The following SERPINI1 variants were observed in gnomAD, a reference collection of about 807,000 sequenced individuals.
The protein encoded by SERPINI1 is neuroserpin.
A neutral mutation model predicts 41.1 loss-of-function variants in SERPINI1; 19 were observed. That is an observed-to-expected ratio of 0.46 (90% CI 0.32 to 0.68). The LOEUF is 0.68. Among genes scored for constraint, SERPINI1 ranks in the 30% least tolerant of loss-of-function variants. SERPINI1 has a pLI of 0.03. For missense variants in SERPINI1, 460 were observed against 479.2 expected (o/e 0.96, Z 0.37); for synonymous variants, 138 against 156.6 (o/e 0.88, Z 0.89).
At chr3:167,816,967 C>A (rs1423487426) in intron 6 of SERPINI1, among the ~76,000 whole-genome samples, 1 of 151,956 alleles carries the variant, frequency 6.6e-6, no homozygotes, top group Non-Finnish European at 1.5e-5. Context: ...GCAAAGGCAG[C>A]CTGATGGAGG....
intron 3 of SERPINI1, among the ~76,000 whole-genome samples, chr3:167,792,351 A>G (rs1190756635): frequency 1.5e-5 from 2 of 133,044 alleles, no homozygotes; most frequent in Non-Finnish European, 3.2e-5. Flanking sequence ...ATACACACAC[A>G]TATATATATA....
At chr3:167,780,049 A>G (rs1727071569) in intron 1 of SERPINI1, among the ~76,000 whole-genome samples, 1 of 152,144 alleles carries the variant, frequency 6.6e-6, no homozygotes, top group East Asian at 1.9e-4. Context: ...TTCTTGGAGG[A>G]GAAAGAAAAT....
intron 1 of SERPINI1, among the ~76,000 whole-genome samples, chr3:167,750,210 G>A (rs1013859707): frequency 5.9e-5 from 9 of 152,038 alleles, no homozygotes; most frequent in Non-Finnish European, 1.0e-4. Flanking sequence ...TTTTTTTTCT[G>A]GATGTCACTA....
chr3:167,745,661 C>A (rs982026341), intron 1 of SERPINI1, among the ~76,000 whole-genome samples: 6 of 151,964 alleles, frequency 3.9e-5, no homozygotes, highest in African/African-American at 1.4e-4. Flanking sequence ...TATAGAAAAT[C>A]CTAAAGAATC....
intron 1 of SERPINI1, among the ~76,000 whole-genome samples, chr3:167,784,286 T>C (rs1362846295): frequency 1.3e-5 from 2 of 152,202 alleles, no homozygotes; most frequent in African/African-American, 4.8e-5. Context: ...CTTAAAAAGA[T>C]CTATTTTCTT....
At chr3:167,744,769 ATAT>A (rs576348445) in intron 1 of SERPINI1, among the ~76,000 whole-genome samples, 26,322 of 118,204 alleles carry the variant, frequency 0.22, 3,096 homozygotes, top group Non-Finnish European at 0.26. Context: ...TATTAAATAT[ATAT>A]TATATATAAC....
At chr3:167,743,298 A>G (rs184758055) in intron 1 of SERPINI1, among the ~76,000 whole-genome samples, 1 of 152,282 alleles carries the variant, frequency 6.6e-6, no homozygotes, top group East Asian at 1.9e-4. Flanking sequence ...ATGAACATCT[A>G]TAGAGTGATT....
chr3:167,770,114 A>C (rs1186916661), intron 1 of SERPINI1, among the ~76,000 whole-genome samples: 1 of 151,424 alleles, frequency 6.6e-6, no homozygotes, highest in Non-Finnish European at 1.5e-5. Flanking sequence ...TAACATATGC[A>C]TATATATGCA....
chr3:167,743,099 T>C (rs1186354017), intron 1 of SERPINI1, among the ~76,000 whole-genome samples: 1 of 152,124 alleles, frequency 6.6e-6, no homozygotes, highest in African/African-American at 2.4e-5. Context: ...TCTCTCCATA[T>C]AGACTGCATT....
At chr3:167,745,659 A>C (rs1725841908) in intron 1 of SERPINI1, among the ~76,000 whole-genome samples, 1 of 152,090 alleles carries the variant, frequency 6.6e-6, no homozygotes, top group African/African-American at 2.4e-5. Context: ...TATATAGAAA[A>C]TCCTAAAGAA....
chr3:167,782,826 TG>T (rs1727180848), intron 1 of SERPINI1, among the ~76,000 whole-genome samples: 1 of 152,174 alleles, frequency 6.6e-6, no homozygotes, highest in Admixed American at 6.5e-5. Context: ...ATATGGAACT[TG>T]GGCTAGGTTC....
chr3:167,813,597 C>T (rs1358933042), intron 6 of SERPINI1, among the ~76,000 whole-genome samples: 1 of 152,132 alleles, frequency 6.6e-6, no homozygotes, highest in Non-Finnish European at 1.5e-5. Context: ...GACGTTTGAC[C>T]TGACATTCCT....
chr3:167,813,198 T>C (rs1047014706), intron 6 of SERPINI1, among the ~76,000 whole-genome samples: 1 of 152,220 alleles, frequency 6.6e-6, no homozygotes, highest in African/African-American at 2.4e-5. Flanking sequence ...CTCATTGCCA[T>C]AATTCCAATT....
chr3:167,756,862 A>T (rs1478911027), intron 1 of SERPINI1, among the ~76,000 whole-genome samples: 1 of 152,168 alleles, frequency 6.6e-6, no homozygotes. Flanking sequence ...TTCAGACTTT[A>T]TAAATAATGT....
intron 6 of SERPINI1, among the ~76,000 whole-genome samples, chr3:167,817,418 A>G (rs746038527): frequency 6.6e-6 from 1 of 152,048 alleles, no homozygotes; most frequent in Non-Finnish European, 1.5e-5. Flanking sequence ...ACAACAGGCA[A>G]TCCTATCTGT....
intron 5 of SERPINI1, among the ~76,000 whole-genome samples, chr3:167,800,724 T>C (rs1336205494): frequency 6.6e-6 from 1 of 152,252 alleles, no homozygotes; most frequent in African/African-American, 2.4e-5. Flanking sequence ...AATAATTGCC[T>C]ATTAATAAAG....
At chr3:167,745,028 A>G (rs1725823056) in intron 1 of SERPINI1, among the ~76,000 whole-genome samples, 2 of 150,940 alleles carry the variant, frequency 1.3e-5, no homozygotes, top group Non-Finnish European at 3.0e-5. Context: ...CCAATCTTAC[A>G]TAAATAAAAG....
intron 5 of SERPINI1, among the ~76,000 whole-genome samples, chr3:167,803,426 A>C (rs1415202874): frequency 6.6e-6 from 1 of 152,142 alleles, no homozygotes; most frequent in African/African-American, 2.4e-5. Context: ...TAACATCTAT[A>C]ATAATGTGAC....
In SERPINI1 at chr3:167,742,078, A is replaced by G. The variant is rs952864608; in HGVS notation, c.-19+6255A>G. On this transcript the variant is annotated intron_variant, in intron 1 of 8. Coordinates refer to ENST00000446050, the MANE Select transcript of SERPINI1 (RefSeq NM_001122752.2). ...AAGAAAAAGCCTTAAAATTTAAAAA[A>G]TAAATAAGGAAAAAAATTTAAAATG... Among the ~76,000 whole-genome samples, 11 of 152,090 alleles carry G rather than the reference A, an allele frequency of 7.2e-5. 1 individual carries two copies. Among genetic ancestry groups the G allele is most frequent in the African/African-American group, 1.4e-4 (6 of 41,442 alleles).
Sources: allele counts gnomAD v4.1 joint callset (sites outside exome capture counted in the v4.1 genomes callset), GRCh38; gene constraint gnomAD v4.1.1; transcripts MANE v1.5; gene names NCBI Gene and HGNC (gene_info 2026-07-23, HGNC 2026-07-21).